Variants in DCC observed in about 807,000 individuals in gnomAD.
DCC encodes netrin receptor DCC.
Under a neutral mutation model 172.5 loss-of-function variants are expected in DCC, and 58 were observed. That is an observed-to-expected ratio of 0.34 (90% CI 0.27 to 0.42). The LOEUF is 0.42. Among genes scored for constraint, DCC ranks in the 10% least tolerant of loss-of-function variants. The probability of loss-of-function intolerance (pLI) is 1.00; values close to 1 mark genes in which losing one functional copy is unlikely to be tolerated. For synonymous variants in DCC, 709 were observed against 644.5 expected, an observed-to-expected ratio of 1.10 and a Z score of -1.52; for missense variants, 1,740 against 1,791.0, an observed-to-expected ratio of 0.97 and a Z score of 0.51.
At chr18:53,445,201 GA>G (rs1912521489) in intron 22 of DCC, among the ~76,000 whole-genome samples, 1 of 152,062 alleles carries the variant, frequency 6.6e-6, no homozygotes, top group Non-Finnish European at 1.5e-5. Flanking sequence ...ATTTCAGGGG[GA>G]AATACTTTGA....
At chr18:52,655,573 A>C (rs2035228591) in intron 1 of DCC, among the ~76,000 whole-genome samples, 1 of 152,126 alleles carries the variant, frequency 6.6e-6, no homozygotes, top group Non-Finnish European at 1.5e-5. Flanking sequence ...GAAAACCTTC[A>C]AGATAGAAAA....
chr18:53,096,039 A>C lies in DCC; in HGVS notation c.1261+29873A>C, dbSNP rs375102711. On this transcript the variant is annotated intron_variant, in intron 7 of 28. Transcript: ENST00000442544. ...AGTTGGGAGACATGACAAGACCCTG[A>C]GATATACCTAATGCTAAATGACAAG... Among the ~76,000 whole-genome samples, 43 of 152,252 alleles carry C rather than the reference A, an allele frequency of 2.8e-4. No individual in the cohort carries two copies. In the East Asian group the frequency reaches 6.9e-3, roughly 25 times the overall value.
chr18:53,244,732 G>A (rs1261379109), intron 12 of DCC, among the ~76,000 whole-genome samples: 1 of 152,024 alleles, frequency 6.6e-6, no homozygotes, highest in East Asian at 1.9e-4. Context: ...CAAGTGGAAT[G>A]GGATTACACA....
Position 53,391,682 on chromosome 18 carries a change from C to T in DCC, c.2483C>T (p.Pro828Leu), listed in dbSNP as rs1568101947. Residue 828 changes from proline (P) to leucine (L), a missense_variant, in exon 17 of 29, where the codon CCT becomes CTT. Pro to Leu is a moderately conservative substitution (Grantham distance 98). Around this residue, in one of 2 missense-constraint regions of DCC, gnomAD observed 1,732 missense variants for 1,767.4 expected, o/e 0.98. Coordinates refer to ENST00000442544, the MANE Select transcript of DCC (RefSeq NM_005215.4). ...CCCACTGACCCAGTTGATTATTATC[C>T]TTTGCTTGATGATTTCCCCACCTCG... The part of the protein sequence containing the change: ...TDPTDPVDYY[P>L]LLDDFPTSVP... 6.2e-7 allele frequency: 1 copy of T among 1,613,728 alleles called. No individual in the cohort carries two copies. The highest frequency in any genetic ancestry group is 8.5e-7 in the Non-Finnish European group (1 of 1,179,882).
At chr18:52,445,077 A>T (rs1988080924) in intron 1 of DCC, among the ~76,000 whole-genome samples, 1 of 152,124 alleles carries the variant, frequency 6.6e-6, no homozygotes, top group Non-Finnish European at 1.5e-5. Context: ...CAAACACAGG[A>T]GCTATTGAAC....
chr18:52,577,602 A>G (rs998078174), intron 1 of DCC, among the ~76,000 whole-genome samples: 9 of 152,088 alleles, frequency 5.9e-5, no homozygotes, highest in African/African-American at 1.9e-4. Context: ...TAAAGTCTTG[A>G]CAGTTCTTTT....
Position 53,086,276 on chromosome 18 carries a change from TTTCTTCTTCTTCTTCTTCTTCCTTTCTTC to T in DCC, c.1261+20129_1261+20157del, listed in dbSNP as rs2042895223. On this transcript the variant is annotated intron_variant, in intron 7 of 28. Coordinates refer to ENST00000442544, the MANE Select transcript of DCC (RefSeq NM_005215.4). ...TTCTTCTTCTTCTTCTTCTTCTTCC[TTTCTTCTTCTTCTTCTTCTTCCTTTCTTC>T]TTCTTCTTCTTCTTCTTCCTTTCTT... Among the ~76,000 whole-genome samples the T allele has an allele frequency of 9.6e-5, 4 of 41,596 alleles. 2 individuals carry two copies. In the African/African-American group the frequency reaches 1.1e-3, roughly 11 times the overall value. The allele number at this position is 41,596 out of a possible 152,430, so 27.3% of individuals were successfully genotyped here. A position where few individuals can be genotyped will look rare whatever the true frequency, so the allele number is the denominator to read the frequency against.
At chr18:52,960,196 G>A (rs947578402) in intron 5 of DCC, among the ~76,000 whole-genome samples, 1 of 152,082 alleles carries the variant, frequency 6.6e-6, no homozygotes, top group African/African-American at 2.4e-5. Context: ...TCTAGGTTTT[G>A]TGTATATTAC....
intron 1 of DCC, among the ~76,000 whole-genome samples, chr18:52,539,805 C>T (rs147648344): frequency 4.6e-5 from 7 of 152,170 alleles, no homozygotes; most frequent in East Asian, 1.9e-4. Flanking sequence ...CAAGATAATA[C>T]ATGTATTAGT....
intron 21 of DCC, among the ~76,000 whole-genome samples, chr18:53,432,377 T>C (rs1346245916): frequency 6.6e-6 from 1 of 152,214 alleles, no homozygotes; most frequent in Non-Finnish European, 1.5e-5. Flanking sequence ...GATCTAGGAC[T>C]ATGCGTTGCA....
chr18:53,460,828 T>C (rs1209412227), intron 24 of DCC, among the ~76,000 whole-genome samples: 5 of 152,326 alleles, frequency 3.3e-5, no homozygotes, highest in East Asian at 1.9e-4. Flanking sequence ...ATGGTATTTC[T>C]AGTTCTAGAT....
intron 1 of DCC, among the ~76,000 whole-genome samples, chr18:52,348,477 T>G (rs1043878238): frequency 6.6e-6 from 1 of 152,218 alleles, no homozygotes; most frequent in African/African-American, 2.4e-5. Flanking sequence ...TATTTTCATA[T>G]GCTTAATTTG....
chr18:52,692,757 ATTTACAACATT>A (rs1217819555), intron 1 of DCC, among the ~76,000 whole-genome samples: 1 of 152,036 alleles, frequency 6.6e-6, no homozygotes, highest in Non-Finnish European at 1.5e-5. Context: ...GGCTGTTTTT[ATTTACAACATT>A]TCTAAATTCA....
intron 1 of DCC, among the ~76,000 whole-genome samples, chr18:52,558,781 A>G (rs1311777761): frequency 6.6e-6 from 1 of 152,180 alleles, no homozygotes; most frequent in African/African-American, 2.4e-5. Context: ...TCTAGCCAGC[A>G]TCTGAGATGG....
intron 1 of DCC, among the ~76,000 whole-genome samples, chr18:52,708,745 A>C (rs1405457164): frequency 6.6e-6 from 1 of 152,204 alleles, no homozygotes; most frequent in Non-Finnish European, 1.5e-5. Context: ...AAAAACTAAC[A>C]GGAAAGAAAA....
At chr18:53,417,838 CTG>C (rs1165445771) in intron 21 of DCC, among the ~76,000 whole-genome samples, 2 of 152,026 alleles carry the variant, frequency 1.3e-5, no homozygotes, top group African/African-American at 2.4e-5. Flanking sequence ...TTTAAGGTAA[CTG>C]TTTTGCATAA....
chr18:52,624,999 G>C (rs921910907), intron 1 of DCC, among the ~76,000 whole-genome samples: 4 of 152,164 alleles, frequency 2.6e-5, no homozygotes, highest in Non-Finnish European at 4.4e-5. Context: ...GGATGGTACA[G>C]CCTACTACAC....
chr18:53,327,658 C>T (rs770620773), intron 14 of DCC, among the ~76,000 whole-genome samples: 2 of 152,092 alleles, frequency 1.3e-5, no homozygotes, highest in Non-Finnish European at 2.9e-5. Flanking sequence ...AATAGGTAAT[C>T]AGCCTTATTA....
chr18:53,052,865 C>T (rs935541996), intron 5 of DCC, among the ~76,000 whole-genome samples: 12 of 152,022 alleles, frequency 7.9e-5, no homozygotes, highest in African/African-American at 2.7e-4. Flanking sequence ...AAAGGAAATG[C>T]CAGGCACGAT....
Sources: allele counts gnomAD v4.1 joint callset (sites outside exome capture counted in the v4.1 genomes callset), GRCh38; gene constraint gnomAD v4.1.1; regional missense constraint gnomAD v4.1.1; transcripts MANE v1.5; gene names NCBI Gene and HGNC (gene_info 2026-07-23, HGNC 2026-07-21).